DPP10: variants seen among roughly 807,000 people sequenced by gnomAD.
DPP10 encodes inactive dipeptidyl peptidase 10.
A neutral mutation model predicts 120.9 loss-of-function variants in DPP10; 33 were observed. That is an observed-to-expected ratio of 0.27 (90% confidence interval 0.21 to 0.37). The LOEUF (loss-of-function observed/expected upper bound fraction) is 0.37. DPP10 is among the 10% of genes least tolerant of loss of function. The pLI is 1.00. For missense variants in DPP10, 816 were observed against 942.8 expected, an observed-to-expected ratio of 0.87 and a Z score of 1.76; for synonymous variants, 337 against 326.1, an observed-to-expected ratio of 1.03 and a Z score of -0.36.
chr2:114,929,837 A>G (rs1471676326), intron 1 of DPP10, among the ~76,000 whole-genome samples: 1 of 152,256 alleles, frequency 6.6e-6, no homozygotes, highest in African/African-American at 2.4e-5. Context: ...ATAAATGTCC[A>G]TGAAATCTTC....
chr2:115,260,145 T>C (rs2059189364), intron 1 of DPP10, among the ~76,000 whole-genome samples: 1 of 150,592 alleles, frequency 6.6e-6, no homozygotes, highest in Non-Finnish European at 1.5e-5. Context: ...TATTACACAT[T>C]CTATATTATA....
chr2:114,980,880 C>T (rs971517473), intron 1 of DPP10, among the ~76,000 whole-genome samples: 5 of 151,630 alleles, frequency 3.3e-5, no homozygotes, highest in Admixed American at 6.6e-5. Flanking sequence ...TTTAACTTAA[C>T]GTCAATAACG....
intron 1 of DPP10, among the ~76,000 whole-genome samples, chr2:114,928,378 A>G (rs1385713279): frequency 1.3e-5 from 2 of 152,218 alleles, no homozygotes; most frequent in Non-Finnish European, 2.9e-5. Context: ...GAAAGGGATA[A>G]CAGGCCCCAC....
chr2:115,697,074 T>C (rs1021685123), intron 7 of DPP10, among the ~76,000 whole-genome samples: 17 of 151,640 alleles, frequency 1.1e-4, no homozygotes, highest in African/African-American at 3.9e-4. Context: ...AAGAAAATAA[T>C]AAATATACAC....
At chr2:115,086,401 C>T (rs1202242873) in intron 1 of DPP10, among the ~76,000 whole-genome samples, 2 of 152,042 alleles carry the variant, frequency 1.3e-5, no homozygotes, top group Admixed American at 1.3e-4. Flanking sequence ...CCCCCCAACC[C>T]CTCCCTGCTT....
intron 7 of DPP10, among the ~76,000 whole-genome samples, chr2:115,692,626 A>T (rs2091379459): frequency 6.6e-6 from 1 of 152,060 alleles, no homozygotes. Context: ...CGTAGTTTAG[A>T]ATCCTCTAGG....
At position 114,616,604 on chromosome 2, in the gene DPP10, G is replaced by C. The variant is rs370302351; in HGVS notation, c.60+173766G>C. On this transcript the variant is annotated intron_variant, in intron 1 of 25. Coordinates refer to ENST00000410059, the MANE Select transcript of DPP10 (RefSeq NM_020868.6). The stretch of plus-strand genomic sequence containing the variant: ...TTGCTGTAACCTTTGCAGACGTGGG[G>C]ACTGTTTGCTCACAACATTATCACG... Among the ~76,000 whole-genome samples the C allele has an allele frequency of 3.9e-5, 6 of 152,218 alleles. No individual in the cohort carries two copies. The East Asian group carries it at 1.2e-3, about 29-fold the overall frequency.
intron 1 of DPP10, among the ~76,000 whole-genome samples, chr2:115,081,153 C>A (rs1055778790): frequency 1.3e-5 from 2 of 152,160 alleles, no homozygotes; most frequent in African/African-American, 2.4e-5. Flanking sequence ...CTTGAATCTG[C>A]AGATTACTGT....
intron 17 of DPP10, among the ~76,000 whole-genome samples, chr2:115,788,160 T>C (rs1197663367): frequency 6.6e-6 from 1 of 152,146 alleles, no homozygotes; most frequent in Non-Finnish European, 1.5e-5. Flanking sequence ...CAGATTCCAA[T>C]TTACGTGTAA....
At chr2:115,278,306 C>T (rs180854555) in intron 1 of DPP10, among the ~76,000 whole-genome samples, 132 of 152,256 alleles carry the variant, frequency 8.7e-4, no homozygotes, top group African/African-American at 2.3e-3. Flanking sequence ...GTAAAGCTGT[C>T]CCACTGTCCT....
chr2:114,775,089 C>T (rs1032307324), intron 1 of DPP10, among the ~76,000 whole-genome samples: 3 of 152,074 alleles, frequency 2.0e-5, no homozygotes, highest in Admixed American at 2.0e-4. Flanking sequence ...CCACCCTTGA[C>T]TCTGTATGAT....
rs955052934 is a variant in DPP10, at chr2:114,915,117, C to T, written c.61-394122C>T. Among the ~76,000 whole-genome samples the T allele has an allele frequency of 3.6e-5, 5 of 139,120 alleles. 1 individual carries two copies. Among genetic ancestry groups the T allele is most frequent in the East Asian group, 2.1e-4 (1 of 4,704 alleles). The allele number at this position is 139,120 out of a possible 152,430, so 91.3% of individuals were successfully genotyped here. A position where few individuals can be genotyped will look rare whatever the true frequency, so the allele number is the denominator to read the frequency against. ...CTGCACCCCAGCCTGGGCGACAGAACGAGACTCCGTCTCAAAAAAAAAAAT... is the reference window on the plus strand; with the variant it reads ...CTGCACCCCAGCCTGGGCGACAGAATGAGACTCCGTCTCAAAAAAAAAAAT... On this transcript the variant is annotated intron_variant, in intron 1 of 25. Coordinates refer to ENST00000410059, the MANE Select transcript of DPP10 (RefSeq NM_020868.6).
intron 1 of DPP10, among the ~76,000 whole-genome samples, chr2:114,932,664 T>C (rs191979531): frequency 1.2e-4 from 19 of 152,280 alleles, no homozygotes; most frequent in African/African-American, 4.6e-4. Flanking sequence ...GGTGGCTGTA[T>C]TGACTGGGAA....
chr2:115,124,012 T>C (rs1044339578), intron 1 of DPP10, among the ~76,000 whole-genome samples: 12 of 151,690 alleles, frequency 7.9e-5, no homozygotes, highest in South Asian at 6.3e-4. Context: ...AGTAGCCTAA[T>C]CATGGCTCAT....
chr2:114,538,162 T>C (rs950315070), intron 1 of DPP10, among the ~76,000 whole-genome samples: 1 of 152,222 alleles, frequency 6.6e-6, no homozygotes, highest in African/African-American at 2.4e-5. Flanking sequence ...TGTTTCTTTA[T>C]GCAAAGAAGA....
chr2:115,735,712 T>TTA (rs1559090249), intron 8 of DPP10, among the ~76,000 whole-genome samples: 1 of 117,422 alleles, frequency 8.5e-6, no homozygotes, highest in Non-Finnish European at 1.7e-5. Context: ...TTTTTTTTTT[T>TTA]AGTAGAGATG....
Position 115,294,430 on chromosome 2 carries a change from TTTTG to T in DPP10, c.61-14805_61-14802del, listed in dbSNP as rs201246765. 6.3e-3 allele frequency among the ~76,000 whole-genome samples: 953 copies of T among 152,036 alleles called. 10 individuals are homozygous for T. The highest frequency in any genetic ancestry group is 0.022 in the African/African-American group (896 of 41,378). On this transcript the variant is annotated intron_variant, in intron 1 of 25. Coordinates refer to ENST00000410059, the MANE Select transcript of DPP10 (RefSeq NM_020868.6). ...AAGTAGGTAAATTTTTGTTTTTTGT[TTTTG>T]TTTTTTTTTGGATTAGCTTTTGTAA...
chr2:115,134,907 A>G (rs1184905355), intron 1 of DPP10, among the ~76,000 whole-genome samples: 1 of 152,190 alleles, frequency 6.6e-6, no homozygotes, highest in Non-Finnish European at 1.5e-5. Context: ...GGAGAGAATC[A>G]GCAAGAGGCC....
intron 5 of DPP10, among the ~76,000 whole-genome samples, chr2:115,561,841 G>T (rs2080703201): frequency 6.6e-6 from 1 of 152,044 alleles, no homozygotes; most frequent in Non-Finnish European, 1.5e-5. Flanking sequence ...GCATCGCTTT[G>T]CCGCTTCTCA....
Sources: allele counts gnomAD v4.1 joint callset (sites outside exome capture counted in the v4.1 genomes callset), GRCh38; gene constraint gnomAD v4.1.1; transcripts MANE v1.5; gene names NCBI Gene and HGNC (gene_info 2026-07-23, HGNC 2026-07-21).